GALNT13: variants seen among roughly 807,000 people sequenced by gnomAD.
The protein encoded by GALNT13 is UDP-GalNAc:polypeptide N-acetylgalactosaminyltransferase 13.
Under a neutral mutation model 64.2 loss-of-function variants are expected in GALNT13, and 28 were observed. The observed-to-expected ratio is 0.44, with a 90% CI of 0.32 to 0.60. GALNT13 has a LOEUF of 0.60. GALNT13 is among the 20% of genes least tolerant of loss of function. The pLI, the probability that GALNT13 is intolerant of heterozygous loss-of-function variation, is 0.05. For missense variants in GALNT13, 577 were observed against 669.8 expected (o/e 0.86, Z 1.53); for synonymous variants, 214 against 224.6 (o/e 0.95, Z 0.42).
At chr2:153,669,740 G>T in the GALNT13 span, among the ~76,000 whole-genome samples, 1 of 152,134 alleles carries the variant, frequency 6.6e-6, no homozygotes, top group African/African-American at 2.4e-5. Flanking sequence ...GGAAGCACAA[G>T]GGGACAGGGG....
intron 4 of GALNT13, among the ~76,000 whole-genome samples, chr2:154,156,050 A>AT (rs917028094): frequency 2.0e-4 from 30 of 149,562 alleles, no homozygotes; most frequent in African/African-American, 6.8e-4. Flanking sequence ...TCTTTCTATT[A>AT]TTTTTTATGT....
At chr2:153,574,389 C>G in the GALNT13 span, among the ~76,000 whole-genome samples, 3 of 152,036 alleles carry the variant, frequency 2.0e-5, no homozygotes, top group Non-Finnish European at 4.4e-5. Context: ...TGATATCTAT[C>G]TCTAGATTTG....
chr2:154,069,630 TAAG>T lies in GALNT13; in HGVS notation c.143-70698_143-70696del, dbSNP rs564642675. 2.0e-3 allele frequency among the ~76,000 whole-genome samples: 311 copies of T among 152,120 alleles called. 1 individual carries two copies. The highest frequency in any genetic ancestry group is 3.0e-3 in the Non-Finnish European group (205 of 67,916). ...CAAAAGACATAGCTAGAATAATGTT[TAAG>T]AAGAAGAATGCATATTACCAGTTTT... On this transcript the variant is annotated intron_variant, in intron 3 of 12. Coordinates refer to ENST00000392825, the MANE Select transcript of GALNT13 (RefSeq NM_052917.4).
At chr2:154,065,621 T>A (rs1700420868) in intron 3 of GALNT13, among the ~76,000 whole-genome samples, 2 of 152,184 alleles carry the variant, frequency 1.3e-5, no homozygotes, top group South Asian at 4.1e-4. Context: ...ACCAACGCGG[T>A]ACCTCTGTGA....
the GALNT13 span, among the ~76,000 whole-genome samples, chr2:153,696,918 T>C: frequency 6.6e-6 from 1 of 152,356 alleles, no homozygotes. Flanking sequence ...CTAATCTAGA[T>C]TCTGCCACAT....
rs573686955 is a variant in GALNT13, at chr2:154,038,295, A to T, written c.142+93656A>T. 3.3e-5 allele frequency among the ~76,000 whole-genome samples: 5 copies of T among 152,300 alleles called. No homozygotes were observed. The South Asian group carries it at 1.0e-3, about 32-fold the overall frequency. ...TATTAACATTTGAATTGAACCACAA[A>T]ACACTTTGAATGGCCAATGCCAAGC... On this transcript the variant is annotated intron_variant, in intron 3 of 12. Coordinates refer to ENST00000392825, the MANE Select transcript of GALNT13 (RefSeq NM_052917.4).
At chr2:153,806,584 A>G in the GALNT13 span, among the ~76,000 whole-genome samples, 1 of 151,768 alleles carries the variant, frequency 6.6e-6, no homozygotes, top group East Asian at 1.9e-4. Context: ...ACCACAAATT[A>G]TGTGGCTCTC....
the GALNT13 span, among the ~76,000 whole-genome samples, chr2:153,221,869 G>A: frequency 1.3e-5 from 2 of 152,188 alleles, no homozygotes; most frequent in African/African-American, 2.4e-5. Context: ...AGGGAATGCA[G>A]TGGCACCCTG....
At chr2:154,180,586 A>G (rs1327829215) in intron 4 of GALNT13, among the ~76,000 whole-genome samples, 1 of 152,112 alleles carries the variant, frequency 6.6e-6, no homozygotes, top group Non-Finnish European at 1.5e-5. Context: ...TTAAAAATCC[A>G]CAACCATGTA....
chr2:153,875,802 G>A (rs1686325612), intron 1 of GALNT13, among the ~76,000 whole-genome samples: 1 of 152,172 alleles, frequency 6.6e-6, no homozygotes, highest in South Asian at 2.1e-4. Flanking sequence ...TCTGTTAGGT[G>A]TTCATTGTCC....
the GALNT13 span, among the ~76,000 whole-genome samples, chr2:153,583,476 C>T: frequency 6.6e-6 from 1 of 152,058 alleles, no homozygotes; most frequent in Admixed American, 6.6e-5. Context: ...ACTTTAGAAT[C>T]TAGGAAGAAG....
chr2:153,318,577 C>T, the GALNT13 span, among the ~76,000 whole-genome samples: 17 of 151,652 alleles, frequency 1.1e-4, no homozygotes, highest in Non-Finnish European at 1.6e-4. Flanking sequence ...AGTTAAGAGA[C>T]AGAATGAATG....
intron 10 of GALNT13, among the ~76,000 whole-genome samples, chr2:154,403,200 C>T (rs1699376441): frequency 6.6e-6 from 1 of 152,078 alleles, no homozygotes; most frequent in Non-Finnish European, 1.5e-5. Flanking sequence ...ACGCCTGTAA[C>T]CTAGCACTTT....
chr2:154,050,973 C>G (rs1274427444), intron 3 of GALNT13, among the ~76,000 whole-genome samples: 1 of 152,178 alleles, frequency 6.6e-6, no homozygotes, highest in Non-Finnish European at 1.5e-5. Context: ...CTTGACCTCC[C>G]CCTCCCAGGA....
chr2:153,919,752 G>T (rs1051313738), intron 2 of GALNT13, among the ~76,000 whole-genome samples: 5 of 151,580 alleles, frequency 3.3e-5, no homozygotes, highest in Admixed American at 6.6e-5. Flanking sequence ...TAATAGCAAT[G>T]GCTAACATGT....
At chr2:153,659,602 T>A in the GALNT13 span, among the ~76,000 whole-genome samples, 1 of 152,096 alleles carries the variant, frequency 6.6e-6, no homozygotes, top group East Asian at 1.9e-4. Flanking sequence ...CAAAAAATTA[T>A]CTGGGTGCAC....
chr2:153,619,330 A>C, the GALNT13 span, among the ~76,000 whole-genome samples: 4 of 152,082 alleles, frequency 2.6e-5, no homozygotes, highest in Admixed American at 1.3e-4. Flanking sequence ...CCTTAAATTC[A>C]TCTTCCTGCT....
At chr2:154,299,475 G>A (rs144290799) in intron 8 of GALNT13, among the ~76,000 whole-genome samples, 6,023 of 63,714 alleles carry the variant, frequency 0.095, 182 homozygotes, top group Middle Eastern at 0.16. Flanking sequence ...TTTTTTTTTT[G>A]AGACAGAGTC....
Position 154,367,066 on chromosome 2 carries a change from CCT to C in GALNT13, c.1157-28924_1157-28923del, listed in dbSNP as rs1491355238. Among the ~76,000 whole-genome samples, 4 of 150,998 alleles carry C rather than the reference CCT, an allele frequency of 2.6e-5. No individual in the cohort carries two copies. The East Asian group carries it at 7.7e-4, about 29-fold the overall frequency. On this transcript the variant is annotated intron_variant, in intron 9 of 12. Coordinates refer to ENST00000392825, the MANE Select transcript of GALNT13 (RefSeq NM_052917.4). Reference sequence around the variant, plus strand: ...GTTCATTATTTTAGTTAAATAAACTCCTTTTTTAAAAAAAAATTGAAATTATA... The same window carrying C: ...GTTCATTATTTTAGTTAAATAAACTCTTTTTAAAAAAAAATTGAAATTATA...
Sources: allele counts gnomAD v4.1 joint callset (sites outside exome capture counted in the v4.1 genomes callset), GRCh38; gene constraint gnomAD v4.1.1; transcripts MANE v1.5; gene names NCBI Gene and HGNC (gene_info 2026-07-23, HGNC 2026-07-21).